The following PAXBP1 variants were observed in gnomAD, a reference collection of about 807,000 sequenced individuals.
The protein encoded by PAXBP1 is PAX3- and PAX7-binding protein 1.
A neutral mutation model predicts 119.9 loss-of-function variants in PAXBP1; 44 were observed. The ratio of observed to expected loss-of-function variants is 0.37; its 90% CI spans 0.29 to 0.47. The LOEUF is 0.47. PAXBP1 is among the 20% of genes least tolerant of loss of function. The probability of loss-of-function intolerance (pLI) is 0.99; values close to 1 mark genes in which losing one functional copy is unlikely to be tolerated. For missense variants in PAXBP1, 898 were observed against 1,134.1 expected (o/e 0.79, Z 2.99); for synonymous variants, 393 against 406.6 (o/e 0.97, Z 0.40).
rs568887294 is a variant in PAXBP1 at position 32,756,617 on chromosome 21, A to T, written c.1384-1264T>A. The T allele has an allele frequency of 3.6e-4, 97 of 267,144 alleles. 1 individual carries two copies. The highest frequency in any genetic ancestry group is 2.1e-3 in the African/African-American group (90 of 41,890). 16.5% of individuals were successfully genotyped at this position (267,144 alleles called of 1,614,324 possible). ...ATTTATTATAATCTGATTTTTTTTTAGCAATTACTGCCACAACATTGCCAT... is the reference window on the plus strand; with the variant it reads ...ATTTATTATAATCTGATTTTTTTTTTGCAATTACTGCCACAACATTGCCAT... On this transcript the variant is annotated intron_variant, in intron 7 of 17. Coordinates refer to ENST00000331923, the MANE Select transcript of PAXBP1 (RefSeq NM_016631.4).
intron 2 of PAXBP1, among the ~76,000 whole-genome samples, chr21:32,766,970 A>C (rs894429699): frequency 6.6e-6 from 1 of 152,076 alleles, no homozygotes; most frequent in Non-Finnish European, 1.5e-5. Context: ...TGATTCTTTT[A>C]TCTCTTTGGT....
At chr21:32,770,760 G>T (rs1177403399) in intron 1 of PAXBP1, among the ~76,000 whole-genome samples, 1 of 152,162 alleles carries the variant, frequency 6.6e-6, no homozygotes, top group Non-Finnish European at 1.5e-5. Context: ...GTGCGAAGAA[G>T]GCTGGGTATC....
At chr21:32,753,700 T>G (rs2043998890) in intron 8 of PAXBP1, among the ~76,000 whole-genome samples, 4 of 152,236 alleles carry the variant, frequency 2.6e-5, no homozygotes. Context: ...TGGCAATTAA[T>G]GTATACTCCC....
chr21:32,747,132 G>C (rs908088024), intron 11 of PAXBP1, among the ~76,000 whole-genome samples: 1 of 152,144 alleles, frequency 6.6e-6, no homozygotes, highest in Non-Finnish European at 1.5e-5. Flanking sequence ...GCTACTGGAT[G>C]CTAGGCTTCC....
At chr21:32,741,561 G>A (rs1194790086) in intron 15 of PAXBP1, 1 of 775,376 alleles carries the variant, frequency 1.3e-6, no homozygotes, top group Non-Finnish European at 2.4e-6. Flanking sequence ...TGGCCTCTCT[G>A]AGCAGCATTC....
chr21:32,743,931 C>CA (rs2146475976), intron 13 of PAXBP1, among the ~76,000 whole-genome samples, 177 bp from the exon 14 acceptor site: 1 of 152,232 alleles, frequency 6.6e-6, no homozygotes, highest in East Asian at 1.9e-4. Flanking sequence ...GTTCATTCCT[C>CA]AACAACTGCC....
At chr21:32,758,877 T>A (rs535089330) in intron 7 of PAXBP1, among the ~76,000 whole-genome samples, 1 of 152,284 alleles carries the variant, frequency 6.6e-6, no homozygotes, top group South Asian at 2.1e-4. Context: ...TTATCTTTAT[T>A]TCTGTTTTCA....
Position 32,755,228 on chromosome 21 carries a change from A to G in PAXBP1, c.1507+2T>C, listed in dbSNP as rs764162772. On this transcript the variant is annotated splice_donor_variant, in intron 8 of 17. Transcript: ENST00000331923. LOFTEE classifies it high-confidence loss of function. ...TAATAAAAACCTTCAAGATGGACTG[A>G]CTTGAATGGCTTGAAAACTCCGAAG... 1 of 1,611,330 alleles carries G rather than the reference A, an allele frequency of 6.2e-7. No homozygotes were observed. Among genetic ancestry groups the G allele is most frequent in the African/African-American group, 1.3e-5 (1 of 74,724 alleles).
At chr21:32,735,360 G>A (rs1419237980) in intron 17 of PAXBP1, among the ~76,000 whole-genome samples, 1 of 152,054 alleles carries the variant, frequency 6.6e-6, no homozygotes, top group Admixed American at 6.6e-5. Context: ...TATTGAGAAA[G>A]AAAAGAAAGC....
chr21:32,741,103 CAGGACAGTAATAGGTTACTGGTAAGAACG>C (rs1436644024), intron 15 of PAXBP1, among the ~76,000 whole-genome samples: 1 of 152,124 alleles, frequency 6.6e-6, no homozygotes, highest in African/African-American at 2.4e-5. Flanking sequence ...AAGGAATAAC[CAGGACAGTAATAGGTTACTGGTAAGAACG>C]CAAAATTATA....
chr21:32,741,142 A>C (rs1321024990), intron 15 of PAXBP1, among the ~76,000 whole-genome samples: 4 of 152,198 alleles, frequency 2.6e-5, no homozygotes, highest in African/African-American at 9.6e-5. Flanking sequence ...GCAAAATTAT[A>C]CAGCCACTTC....
chr21:32,745,505 A>C, intron 12 of PAXBP1, 69 bp downstream of exon 12: 1 of 1,569,922 alleles, frequency 6.4e-7, no homozygotes, highest in Admixed American at 1.7e-5. Flanking sequence ...TCTGAATTAT[A>C]AACTCATAAA....
intron 17 of PAXBP1, among the ~76,000 whole-genome samples, chr21:32,736,996 C>A (rs1396724040): frequency 6.6e-6 from 1 of 152,130 alleles, no homozygotes; most frequent in African/African-American, 2.4e-5. Flanking sequence ...AAGAGGGAGA[C>A]AGAGAAAACA....
chr21:32,743,623 C>T, intron 14 of PAXBP1, 55 bp downstream of exon 14: 1 of 1,322,126 alleles, frequency 7.6e-7, no homozygotes, highest in East Asian at 2.3e-5. Flanking sequence ...TTTTATAAGC[C>T]TTCTCTGAAA....
In PAXBP1 at chr21:32,743,260, C is replaced by A; in HGVS notation, c.2322G>T (p.Trp774Cys). The A allele has an allele frequency of 6.3e-7, 1 of 1,576,220 alleles. No homozygotes were observed. The highest frequency in any genetic ancestry group is 8.6e-7 in the Non-Finnish European group (1 of 1,169,400). Residue 774 changes from tryptophan (W) to cysteine (C), a missense_variant, in exon 15 of 18, where the codon TGG (tryptophan) becomes TGT (cysteine). Trp to Cys is a radical substitution (Grantham distance 215). Transcript: ENST00000331923. ...TATGGACACGTACCTTAACTGAAGA[C>A]CAAAACTGTCGTTGAAAAAACAAGT... is the stretch of plus-strand genomic sequence containing the variant. ...GPYLFFQRQF[W>C]SSVKLLGNFL...
At position 32,771,518 on chromosome 21, in the gene PAXBP1, G is replaced by C. The variant is rs1395599052; in HGVS notation, c.151C>G (p.Pro51Ala). ...GGGCCCAGCAGCGACTCCCCGCCAG[G>C]GGCCCTGTCGCCGCCACCGGGGCCC... ...EAGPGGGDRA[P>A]GGESLLGPGP... Residue 51 changes from proline to alanine, a missense_variant, in exon 1 of 18, where the codon CCT becomes GCT. By Grantham distance (27) the Pro-to-Ala change is conservative (BLOSUM62 -1). Transcript: ENST00000331923. The C allele has an allele frequency of 6.7e-6, 9 of 1,333,690 alleles. No homozygotes were observed. The highest frequency in any genetic ancestry group is 8.6e-6 in the Non-Finnish European group (9 of 1,048,340). 82.6% of individuals were successfully genotyped at this position (1,333,690 alleles called of 1,614,324 possible). A position where few individuals can be genotyped will look rare whatever the true frequency, so the allele number is the denominator to read the frequency against.
intron 14 of PAXBP1, 111 bp downstream of exon 14, chr21:32,743,567 A>T: frequency 1.2e-6 from 1 of 842,946 alleles, no homozygotes; most frequent in Non-Finnish European, 1.9e-6. Flanking sequence ...TCTCTCTGTA[A>T]TACACTACAT....
intron 2 of PAXBP1, among the ~76,000 whole-genome samples, chr21:32,765,718 T>C (rs2146522694): frequency 6.6e-6 from 1 of 152,172 alleles, no homozygotes; most frequent in African/African-American, 2.4e-5. Flanking sequence ...TTTTTTCTTT[T>C]TTTTTTTCAT....
chr21:32,771,662 G>C lies in PAXBP1; in HGVS notation c.7C>G (p.Arg3Gly). 1 of 1,419,276 alleles carries C rather than the reference G, an allele frequency of 7.0e-7. No homozygotes were observed. The highest frequency in any genetic ancestry group is 9.2e-7 in the Non-Finnish European group (1 of 1,090,534). 87.9% of individuals were successfully genotyped at this position (1,419,276 alleles called of 1,614,324 possible). MF[R>G]KARRVNVRKR... ...CGCACGTTCACCCGCCGGGCCTTTC[G>C]GAACATCCCCGCGGCCCGCACGGCG... is the stretch of plus-strand genomic sequence containing the variant. The change falls in exon 1 of 18, where the codon CGA becomes GGA. Residue 3 changes from arginine (R) to glycine (G), a missense_variant. Physicochemically the swap from Arg to Gly is moderately radical, Grantham distance 125. Transcript: ENST00000331923.
Sources: allele counts gnomAD v4.1 joint callset (sites outside exome capture counted in the v4.1 genomes callset), GRCh38; gene constraint gnomAD v4.1.1; transcripts MANE v1.5; gene names NCBI Gene and HGNC (gene_info 2026-07-23, HGNC 2026-07-21).